Variants in CDYL observed in about 807,000 individuals in gnomAD.
CDYL encodes the protein chromodomain Y-like protein.
In CDYL, 8 loss-of-function variants were observed where a neutral mutation model predicts 47.3. That is an observed-to-expected ratio of 0.17 (90% CI 0.10 to 0.31). The LOEUF is 0.31. Among genes scored for constraint, CDYL ranks in the 10% least tolerant of loss-of-function variants. CDYL has a pLI of 1.00. For synonymous variants in CDYL, 266 were observed against 265.0 expected, an observed-to-expected ratio of 1.00 and a Z score of -0.04; for missense variants, 471 against 701.4, an observed-to-expected ratio of 0.67 and a Z score of 3.71.
At chr6:4,720,108 TAGAA>T (rs1421059139) in intron 2 of CDYL, among the ~76,000 whole-genome samples, 2 of 152,234 alleles carry the variant, frequency 1.3e-5, no homozygotes, top group East Asian at 1.9e-4. Context: ...CCATGGAAGC[TAGAA>T]AGAGTTTCCT....
At chr6:4,780,418 G>A (rs1007889797) in intron 1 of CDYL, among the ~76,000 whole-genome samples, 1 of 7,850 alleles carries the variant, frequency 1.3e-4, no homozygotes, top group African/African-American at 3.7e-4. Context: ...CCCCGCCCCC[G>A]CCCCCGCCCC....
At chr6:4,874,370 G>A (rs922738340) in intron 1 of CDYL, among the ~76,000 whole-genome samples, 1 of 152,086 alleles carries the variant, frequency 6.6e-6, no homozygotes, top group African/African-American at 2.4e-5. Flanking sequence ...TCTGTTCAGC[G>A]TTGGCGTTAG....
chr6:4,740,162 A>G (rs954081177), intron 3 of CDYL, among the ~76,000 whole-genome samples: 9 of 152,148 alleles, frequency 5.9e-5, no homozygotes, highest in Non-Finnish European at 2.9e-5. Flanking sequence ...GTTATCTATC[A>G]AGAACAGGTG....
intron 2 of CDYL, among the ~76,000 whole-genome samples, chr6:4,725,283 C>G (rs976258167): frequency 3.3e-5 from 5 of 152,228 alleles, no homozygotes; most frequent in African/African-American, 7.2e-5. Flanking sequence ...GATCCCGCAC[C>G]GAGGGTGCAG....
At chr6:4,712,540 C>A (rs938727138) in intron 1 of CDYL, among the ~76,000 whole-genome samples, 1 of 152,186 alleles carries the variant, frequency 6.6e-6, no homozygotes, top group South Asian at 2.1e-4. Context: ...ACCTCCCACC[C>A]GGGCACAAGC....
intron 5 of CDYL, among the ~76,000 whole-genome samples, chr6:4,951,029 C>T (rs1420532560): frequency 3.3e-5 from 5 of 152,216 alleles, no homozygotes; most frequent in South Asian, 2.1e-4. Context: ...GAGTCAGCCA[C>T]GTGTTTGCTT....
At chr6:4,785,433 C>G (rs1758730533) in intron 1 of CDYL, among the ~76,000 whole-genome samples, 1 of 152,164 alleles carries the variant, frequency 6.6e-6, no homozygotes, top group South Asian at 2.1e-4. Flanking sequence ...TTGTTGGTAG[C>G]TTCCTAGTGT....
At chr6:4,810,808 T>C (rs2127444069) in intron 1 of CDYL, among the ~76,000 whole-genome samples, 1 of 152,286 alleles carries the variant, frequency 6.6e-6, no homozygotes, top group Non-Finnish European at 1.5e-5. Context: ...ACCAATCCCA[T>C]TCATGAGGGC....
At chr6:4,949,972 C>T (rs1237622412) in intron 5 of CDYL, among the ~76,000 whole-genome samples, 3 of 152,084 alleles carry the variant, frequency 2.0e-5, no homozygotes, top group Admixed American at 6.6e-5. Flanking sequence ...TGGAGAACAC[C>T]GAAGGTAGGG....
At chr6:4,768,816 T>C (rs541232319) in intron 3 of CDYL, among the ~76,000 whole-genome samples, 12 of 152,244 alleles carry the variant, frequency 7.9e-5, no homozygotes, top group African/African-American at 2.9e-4. Context: ...ATTTGCTAGG[T>C]GATCAAGGTC....
chr6:4,815,060 C>A (rs145425711), intron 1 of CDYL, among the ~76,000 whole-genome samples: 18 of 151,756 alleles, frequency 1.2e-4, no homozygotes, highest in Non-Finnish European at 1.6e-4. Flanking sequence ...TCCCAAAGTC[C>A]GATTTTTAAA....
chr6:4,713,447 C>T (rs370838513), intron 1 of CDYL, among the ~76,000 whole-genome samples: 1 of 152,066 alleles, frequency 6.6e-6, no homozygotes, highest in Non-Finnish European at 1.5e-5. Context: ...GTGAAACTGA[C>T]GAAAAGTCAA....
intron 3 of CDYL, among the ~76,000 whole-genome samples, chr6:4,936,070 C>T (rs147251011): frequency 1.5e-4 from 23 of 152,352 alleles, no homozygotes; most frequent in African/African-American, 5.5e-4. Flanking sequence ...GGAAGCTCTT[C>T]ATCTGGCGGG....
At chr6:4,815,682 TTTTTTTTTTTTACC>T (rs1759653497) in intron 1 of CDYL, among the ~76,000 whole-genome samples, 1 of 150,550 alleles carries the variant, frequency 6.6e-6, no homozygotes, top group East Asian at 1.9e-4. Flanking sequence ...ACTTTTTTTT[TTTTTTTTTTTTACC>T]TTTTTTTTTT....
intron 5 of CDYL, among the ~76,000 whole-genome samples, chr6:4,947,667 T>C (rs1169597223): frequency 3.3e-5 from 5 of 152,158 alleles, no homozygotes; most frequent in African/African-American, 1.2e-4. Flanking sequence ...CCTCGGTCTG[T>C]CCACTCCCCT....
intron 1 of CDYL, among the ~76,000 whole-genome samples, chr6:4,819,730 A>G (rs1041026579): frequency 9.2e-5 from 14 of 152,178 alleles, no homozygotes; most frequent in African/African-American, 3.1e-4. Flanking sequence ...TTCACCCTCA[A>G]GGGACATTTG....
At chr6:4,931,130 A>G (rs547863067) in intron 2 of CDYL, among the ~76,000 whole-genome samples, 21 of 152,326 alleles carry the variant, frequency 1.4e-4, no homozygotes, top group African/African-American at 4.8e-4. Flanking sequence ...GATCTGGACT[A>G]AAGAGACTTG....
At chr6:4,860,630 GTATATTA>G (rs1228793663) in intron 1 of CDYL, among the ~76,000 whole-genome samples, 1 of 146,222 alleles carries the variant, frequency 6.8e-6, no homozygotes, top group African/African-American at 2.5e-5. Context: ...ATCATATTAT[GTATATTA>G]TATAATATAT....
chr6:4,902,049 A>G (rs1305032885), intron 2 of CDYL, among the ~76,000 whole-genome samples: 1 of 152,092 alleles, frequency 6.6e-6, no homozygotes, highest in Non-Finnish European at 1.5e-5. Context: ...TCTGTAACCT[A>G]GAAGGAAGGG....
Sources: gnomAD v4.1 joint callset for allele counts (sites outside exome capture counted in the v4.1 genomes callset) on GRCh38, gnomAD v4.1.1 for gene constraint, MANE v1.5 for transcripts, NCBI Gene and HGNC (gene_info 2026-07-23, HGNC 2026-07-21) for gene names.